BLOC1S6: variants seen among roughly 807,000 people sequenced by gnomAD.
BLOC1S6 encodes biogenesis of lysosome-related organelles complex 1 subunit 6.
Under a neutral mutation model 24.7 loss-of-function variants are expected in BLOC1S6, and 24 were observed. The ratio of observed to expected loss-of-function variants is 0.97; its 90% CI spans 0.70 to 1.37. The LOEUF is 1.37. BLOC1S6 is among the 40% of genes most tolerant of loss of function. BLOC1S6 has a pLI of 0.00. For missense variants in BLOC1S6, 175 were observed against 196.2 expected, an observed-to-expected ratio of 0.89 and a Z score of 0.64; for synonymous variants, 76 against 72.6, an observed-to-expected ratio of 1.05 and a Z score of -0.23.
intron 4 of BLOC1S6, among the ~76,000 whole-genome samples, chr15:45,605,971 C>T (rs912895599): frequency 6.6e-6 from 1 of 152,116 alleles, no homozygotes; most frequent in Non-Finnish European, 1.5e-5. Context: ...TTAAAAATGT[C>T]ATTGTTTAAG....
At chr15:45,587,694 A>G (rs1378019753) in intron 1 of BLOC1S6, 169 bp downstream of exon 1, 1 of 740,464 alleles carries the variant, frequency 1.4e-6, no homozygotes, top group Non-Finnish European at 2.4e-6. Flanking sequence ...CCCTCTGCCC[A>G]GCGCAATGGG....
intron 3 of BLOC1S6, 141 bp downstream of exon 3, chr15:45,603,328 T>C (rs1894335235): frequency 3.3e-6 from 2 of 600,156 alleles, no homozygotes; most frequent in Non-Finnish European, 6.0e-6. Flanking sequence ...TTGTGTTGAA[T>C]TGTTATCTTT....
Position 45,590,101 on chromosome 15 carries a change from G to A in BLOC1S6, c.83-2034G>A, listed in dbSNP as rs972812104. ...TTATTTTAATCAAGCCTTAAGCAAC[G>A]GCATAATTGGTGGATATAATTTATT... On this transcript the variant is annotated intron_variant, in intron 1 of 4. Coordinates refer to ENST00000220531, the MANE Select transcript of BLOC1S6 (RefSeq NM_012388.4). Among the ~76,000 whole-genome samples the A allele has an allele frequency of 5.9e-5, 9 of 152,066 alleles. No individual in the cohort carries two copies. The East Asian group carries it at 9.6e-4, about 16-fold the overall frequency.
At chr15:45,591,923 C>T (rs2140904218) in intron 1 of BLOC1S6, 4 of 551,660 alleles carry the variant, frequency 7.3e-6, no homozygotes, top group South Asian at 6.3e-5. Flanking sequence ...CATTTGTGGG[C>T]TCCTTTCTAC....
intron 2 of BLOC1S6, among the ~76,000 whole-genome samples, chr15:45,593,849 A>G (rs1293798307): frequency 6.6e-6 from 1 of 152,168 alleles, no homozygotes; most frequent in East Asian, 1.9e-4. Context: ...TGAAGTATCT[A>G]GTATTATCCT....
rs1893901284 is a variant in BLOC1S6, at chr15:45,591,941, TC to T, written c.83-190del. 16 of 609,028 alleles carry T rather than the reference TC, an allele frequency of 2.6e-5. No individual in the cohort carries two copies. The East Asian group carries it at 4.8e-4, about 18-fold the overall frequency. 37.7% of individuals were successfully genotyped at this position (609,028 alleles called of 1,614,324 possible). A position where few individuals can be genotyped will look rare whatever the true frequency, so the allele number is the denominator to read the frequency against. The stretch of plus-strand genomic sequence containing the variant: ...TTGTGGGCTCCTTTCTACCTGCTAC[TC>T]CCCAACCTCCTTTTATTAGCTGTGT... On this transcript the variant is annotated intron_variant, in intron 1 of 4. Transcript: ENST00000220531.
At chr15:45,602,632 T>C (rs1433262760) in intron 2 of BLOC1S6, among the ~76,000 whole-genome samples, 1 of 152,236 alleles carries the variant, frequency 6.6e-6, no homozygotes, top group East Asian at 1.9e-4. Flanking sequence ...AGTCCTGTGC[T>C]TTTTTCATCT....
At chr15:45,601,347 TA>T (rs1455735867) in intron 2 of BLOC1S6, 1 of 154,384 alleles carries the variant, frequency 6.5e-6, no homozygotes, top group East Asian at 1.9e-4. Flanking sequence ...ACGTCTTCCT[TA>T]AATGTTTGGT....
chr15:45,605,972 A>G (rs187237832), intron 4 of BLOC1S6, among the ~76,000 whole-genome samples: 1 of 152,318 alleles, frequency 6.6e-6, no homozygotes, highest in Admixed American at 6.5e-5. Context: ...TAAAAATGTC[A>G]TTGTTTAAGA....
At position 45,587,381 on chromosome 15, in the gene BLOC1S6, G is replaced by A; in HGVS notation, c.-63G>A. 1 of 1,474,700 alleles carries A rather than the reference G, an allele frequency of 6.8e-7. No individual in the cohort carries two copies. The highest frequency in any genetic ancestry group is 9.3e-7 in the Non-Finnish European group (1 of 1,077,594). The allele number at this position is 1,474,700 out of a possible 1,614,324, so 91.4% of individuals were successfully genotyped here. On this transcript the variant is annotated 5_prime_UTR_variant, in exon 1 of 5. The change creates a new upstream start codon in the 5' untranslated region. Transcript: ENST00000220531. Reference sequence around the variant, plus strand: ...TCCGGCCAGCCGCTGGAGTCGTTAGGTGCCGCCTTGCTTCTGACGAGCCAC... The same window carrying A: ...TCCGGCCAGCCGCTGGAGTCGTTAGATGCCGCCTTGCTTCTGACGAGCCAC...
chr15:45,596,138 G>A (rs554133067), intron 2 of BLOC1S6, among the ~76,000 whole-genome samples: 2 of 151,942 alleles, frequency 1.3e-5, no homozygotes, highest in South Asian at 4.2e-4. Context: ...TGTAAGGTCT[G>A]TGTCTATTAA....
rs143794659 is a variant in BLOC1S6 at position 45,605,739 on chromosome 15, G to A, written c.399+225G>A. ...CAGGTAGCTGGGATTACAGGTGCCC[G>A]CCACCACACCCACCTAATTTTTGTA... is the stretch of plus-strand genomic sequence containing the variant. On this transcript the variant is annotated intron_variant, in intron 4 of 4. Transcript: ENST00000220531. 377 of 440,254 alleles carry A rather than the reference G, an allele frequency of 8.6e-4. 1 individual carries two copies. Among genetic ancestry groups the A allele is most frequent in the African/African-American group, 6.9e-3 (342 of 49,494 alleles). 27.3% of individuals were successfully genotyped at this position (440,254 alleles called of 1,614,324 possible). A position where few individuals can be genotyped will look rare whatever the true frequency, so the allele number is the denominator to read the frequency against.
chr15:45,587,129 C>A, upstream of BLOC1S6: 1 of 441,162 alleles, frequency 2.3e-6, no homozygotes, highest in South Asian at 2.4e-5. Context: ...CGTGACCCAC[C>A]CCGTGAGCAG....
At chr15:45,600,690 G>T (rs762452216) in intron 2 of BLOC1S6, among the ~76,000 whole-genome samples, 1 of 152,196 alleles carries the variant, frequency 6.6e-6, no homozygotes, top group African/African-American at 2.4e-5. Context: ...TTTACACATT[G>T]TTGGATTCAA....
At chr15:45,600,580 A>G (rs1306423111) in intron 2 of BLOC1S6, among the ~76,000 whole-genome samples, 1 of 152,154 alleles carries the variant, frequency 6.6e-6, no homozygotes, top group Non-Finnish European at 1.5e-5. Flanking sequence ...TTTCTTCTTT[A>G]GCCTGTTGAT....
intron 1 of BLOC1S6, among the ~76,000 whole-genome samples, chr15:45,590,022 A>C (rs938857957): frequency 6.6e-6 from 1 of 152,204 alleles, no homozygotes; most frequent in African/African-American, 2.4e-5. Context: ...ATCATAAAAC[A>C]TTAAGAAAAT....
intron 1 of BLOC1S6, among the ~76,000 whole-genome samples, chr15:45,590,481 C>T (rs1268639096): frequency 6.7e-6 from 1 of 149,972 alleles, no homozygotes; most frequent in African/African-American, 2.5e-5. Context: ...AATCTTGGCA[C>T]ACTGCAGCCT....
At chr15:45,589,904 T>C (rs906117051) in intron 1 of BLOC1S6, among the ~76,000 whole-genome samples, 2 of 151,882 alleles carry the variant, frequency 1.3e-5, no homozygotes, top group Admixed American at 1.3e-4. Flanking sequence ...AACCAGAACA[T>C]TGGGGTGGGA....
chr15:45,592,091 A>G, intron 1 of BLOC1S6, 44 bp from the exon 2 acceptor site: 1 of 1,604,160 alleles, frequency 6.2e-7, no homozygotes, highest in Non-Finnish European at 8.5e-7. Flanking sequence ...CTAAAAAAAT[A>G]AAATAAATAA....
Sources: allele counts gnomAD v4.1 joint callset (sites outside exome capture counted in the v4.1 genomes callset), GRCh38; gene constraint gnomAD v4.1.1; transcripts MANE v1.5; gene names NCBI Gene and HGNC (gene_info 2026-07-23, HGNC 2026-07-21).